NEK11: variants seen among roughly 807,000 people sequenced by gnomAD.
NEK11 encodes the protein NIMA related kinase 11.
A neutral mutation model predicts 80.7 loss-of-function variants in NEK11; 72 were observed. The ratio of observed to expected loss-of-function variants is 0.89; its 90% CI spans 0.74 to 1.08. The LOEUF (loss-of-function observed/expected upper bound fraction) is 1.08, where lower values mean the gene tolerates loss of function less well. Among genes scored for constraint, NEK11 ranks in the 50% least tolerant of loss-of-function variants. The probability of loss-of-function intolerance (pLI) is 0.00; values close to 1 mark genes in which losing one functional copy is unlikely to be tolerated. For synonymous variants in NEK11, 251 were observed against 260.7 expected, an observed-to-expected ratio of 0.96 and a Z score of 0.36; for missense variants, 764 against 763.6, an observed-to-expected ratio of 1.00 and a Z score of -0.01.
At chr3:131,284,157 A>G (rs955543101) in intron 17 of NEK11, among the ~76,000 whole-genome samples, 2 of 152,210 alleles carry the variant, frequency 1.3e-5, no homozygotes, top group African/African-American at 2.4e-5. Context: ...TCTCTTATAA[A>G]GGAGTGAGCA....
chr3:131,346,734 C>A (rs940067898), intron 17 of NEK11, among the ~76,000 whole-genome samples: 1 of 151,992 alleles, frequency 6.6e-6, no homozygotes, highest in African/African-American at 2.4e-5. Flanking sequence ...AAGTGAAGGG[C>A]ACCATGAAGT....
intron 14 of NEK11, among the ~76,000 whole-genome samples, chr3:131,211,637 T>C (rs1435216790): frequency 1.3e-5 from 2 of 152,248 alleles, no homozygotes; most frequent in African/African-American, 2.4e-5. Context: ...TTTCACATAG[T>C]CCCATGTTTC....
At chr3:131,145,370 A>T (rs2718860) in intron 7 of NEK11, among the ~76,000 whole-genome samples, 124,020 of 151,998 alleles carry the variant, frequency 0.82, 50,688 homozygotes, top group East Asian at 0.86. Context: ...CAAACCAGAA[A>T]GGTGATCAAT....
At chr3:131,085,987 A>T (rs994317525) in intron 4 of NEK11, among the ~76,000 whole-genome samples, 2 of 151,948 alleles carry the variant, frequency 1.3e-5, no homozygotes, top group African/African-American at 4.8e-5. Context: ...AATGTCTCTC[A>T]GTTTGGGTTT....
intron 15 of NEK11, among the ~76,000 whole-genome samples, chr3:131,241,634 C>A (rs1004392600): frequency 6.6e-5 from 10 of 152,030 alleles, no homozygotes; most frequent in African/African-American, 1.9e-4. Flanking sequence ...AGTACCAACT[C>A]CCTTTAATTT....
intron 14 of NEK11, among the ~76,000 whole-genome samples, chr3:131,225,318 T>A (rs753076215): frequency 2.0e-5 from 3 of 152,152 alleles, no homozygotes; most frequent in Non-Finnish European, 4.4e-5. Context: ...TAAACATAGA[T>A]GTGTAGTAGG....
At chr3:131,238,004 C>A (rs2095459901) in intron 15 of NEK11, among the ~76,000 whole-genome samples, 1 of 152,160 alleles carries the variant, frequency 6.6e-6, no homozygotes, top group Non-Finnish European at 1.5e-5. Flanking sequence ...CCTCACTAAG[C>A]CCCTCTCTTC....
chr3:131,105,724 A>G (rs1357795010), intron 4 of NEK11, among the ~76,000 whole-genome samples: 1 of 152,188 alleles, frequency 6.6e-6, no homozygotes, highest in East Asian at 1.9e-4. Context: ...TGATTTGATT[A>G]TCTCCACCTG....
chr3:131,041,848 C>T (rs1244753214), intron 3 of NEK11, among the ~76,000 whole-genome samples: 1 of 152,148 alleles, frequency 6.6e-6, no homozygotes, highest in Non-Finnish European at 1.5e-5. Flanking sequence ...GTCTGCAGCT[C>T]CCAGCGAGAT....
chr3:131,079,720 A>G (rs924661777), intron 3 of NEK11, among the ~76,000 whole-genome samples: 1 of 152,228 alleles, frequency 6.6e-6, no homozygotes, highest in African/African-American at 2.4e-5. Context: ...TGTTAGAAAT[A>G]CTAAATATCT....
At chr3:131,264,637 CAGGT>C (rs1390242226) in intron 16 of NEK11, among the ~76,000 whole-genome samples, 2 of 152,126 alleles carry the variant, frequency 1.3e-5, no homozygotes, top group African/African-American at 4.8e-5. Flanking sequence ...AGTTTGAAGT[CAGGT>C]AGCGTGATAC....
intron 6 of NEK11, 29 bp from the exon 7 acceptor site, chr3:131,133,800 GT>G (rs1392355519): frequency 1.3e-6 from 2 of 1,593,074 alleles, no homozygotes; most frequent in Non-Finnish European, 1.7e-6. Flanking sequence ...TTGGCTTAAA[GT>G]ATTCATAAAA....
intron 17 of NEK11, among the ~76,000 whole-genome samples, chr3:131,346,183 T>G (rs573006742): frequency 6.6e-6 from 1 of 152,304 alleles, no homozygotes; most frequent in African/African-American, 2.4e-5. Flanking sequence ...ATAAGTAGAT[T>G]TTAGCTGTTC....
intron 4 of NEK11, among the ~76,000 whole-genome samples, chr3:131,098,585 T>A (rs1486242063): frequency 4.0e-5 from 6 of 151,794 alleles, no homozygotes; most frequent in African/African-American, 7.3e-5. Flanking sequence ...CACTTTTTTT[T>A]TTTTTTTTTA....
intron 14 of NEK11, among the ~76,000 whole-genome samples, chr3:131,222,116 A>T (rs889621695): frequency 6.6e-6 from 1 of 152,176 alleles, no homozygotes; most frequent in East Asian, 1.9e-4. Context: ...TTTCAGAGCT[A>T]CAAGAAAGAT....
chr3:131,337,305 G>A (rs537192947), intron 17 of NEK11, among the ~76,000 whole-genome samples: 1 of 152,114 alleles, frequency 6.6e-6, no homozygotes, highest in Non-Finnish European at 1.5e-5. Context: ...ATGAGTTCAT[G>A]TCCTTTGTAG....
At chr3:131,348,020 A>C (rs1057231469) in intron 17 of NEK11, among the ~76,000 whole-genome samples, 2 of 152,172 alleles carry the variant, frequency 1.3e-5, no homozygotes, top group Non-Finnish European at 2.9e-5. Context: ...ATATTTATAC[A>C]CTTTGACCTA....
chr3:131,205,036 C>T (rs1308241118), intron 14 of NEK11, among the ~76,000 whole-genome samples: 1 of 152,054 alleles, frequency 6.6e-6, no homozygotes, highest in East Asian at 1.9e-4. Flanking sequence ...AGGCCCAGTC[C>T]AGATCAGGAG....
At chr3:131,112,481 C>T (rs1425641635) in intron 5 of NEK11, among the ~76,000 whole-genome samples, 1 of 152,082 alleles carries the variant, frequency 6.6e-6, no homozygotes, top group Non-Finnish European at 1.5e-5. Flanking sequence ...ATATCTTAAT[C>T]TGGATAGAGG....
Sources: allele counts gnomAD v4.1 joint callset (sites outside exome capture counted in the v4.1 genomes callset), GRCh38; gene constraint gnomAD v4.1.1; transcripts MANE v1.5; gene names NCBI Gene and HGNC (gene_info 2026-07-23, HGNC 2026-07-21).